The following GRIA1 variants were observed in gnomAD, a reference collection of about 807,000 sequenced individuals.
GRIA1 encodes glutamate ionotropic receptor AMPA type subunit 1, also known as glutamate receptor 1.
Under a neutral mutation model 99.2 loss-of-function variants are expected in GRIA1, and 31 were observed. That is an observed-to-expected ratio of 0.31 (90% CI 0.23 to 0.42). GRIA1 has a LOEUF of 0.42. GRIA1 is among the 10% of genes least tolerant of loss of function. The pLI is 1.00. For synonymous variants in GRIA1, 438 were observed against 432.4 expected (o/e 1.01, Z -0.16); for missense variants, 782 against 1,157.5 (o/e 0.68, Z 4.71).
intron 5 of GRIA1, among the ~76,000 whole-genome samples, chr5:153,658,592 T>C (rs779386993): frequency 6.6e-6 from 1 of 152,220 alleles, no homozygotes; most frequent in Non-Finnish European, 1.5e-5. Context: ...TGTGGTGTGT[T>C]TTCTTCCCCC....
At chr5:153,537,671 G>T (rs944939880) in intron 2 of GRIA1, among the ~76,000 whole-genome samples, 1 of 152,184 alleles carries the variant, frequency 6.6e-6, no homozygotes, top group African/African-American at 2.4e-5. Context: ...GTCAGAACCA[G>T]GGTCTCCAGT....
At chr5:153,660,696 G>A (rs534079334) in intron 5 of GRIA1, among the ~76,000 whole-genome samples, 9 of 152,196 alleles carry the variant, frequency 5.9e-5, no homozygotes, top group African/African-American at 1.9e-4. Flanking sequence ...ATTGGCAATC[G>A]CAGTGGCACT....
At chr5:153,549,759 C>T (rs1493397) in intron 2 of GRIA1, among the ~76,000 whole-genome samples, 150,009 of 152,240 alleles carry the variant, frequency 0.99, 73,938 homozygotes, top group South Asian at 1. Context: ...CCAAGAAGAT[C>T]TTTTTTCTAC....
At chr5:153,627,094 G>C (rs1767700061) in intron 2 of GRIA1, among the ~76,000 whole-genome samples, 1 of 152,110 alleles carries the variant, frequency 6.6e-6, no homozygotes, top group South Asian at 2.1e-4. Context: ...TAACTGAGAG[G>C]TACAATTTTC....
intron 2 of GRIA1, among the ~76,000 whole-genome samples, chr5:153,553,111 C>A (rs1043527992): frequency 3.3e-5 from 5 of 152,142 alleles, no homozygotes; most frequent in Non-Finnish European, 7.4e-5. Context: ...CAAGGATATT[C>A]CTGTGGAAAG....
intron 14 of GRIA1, among the ~76,000 whole-genome samples, 188 bp downstream of exon 14, chr5:153,794,923 C>T (rs569684463): frequency 5.3e-5 from 8 of 152,152 alleles, no homozygotes; most frequent in African/African-American, 1.4e-4. Context: ...TTCCAAGGGG[C>T]CTTCTGGTTT....
intron 13 of GRIA1, among the ~76,000 whole-genome samples, chr5:153,783,295 C>T (rs573497464): frequency 8.5e-5 from 13 of 152,224 alleles, no homozygotes; most frequent in Non-Finnish European, 1.6e-4. Context: ...CCATTAATTG[C>T]GGGGGGACCT....
Position 153,674,480 on chromosome 5 carries a change from C to T in GRIA1, c.700-20C>T, listed in dbSNP as rs768681940. 4.3e-6 allele frequency: 7 copies of T among 1,613,506 alleles called. No homozygotes were observed. The highest frequency in any genetic ancestry group is 1.7e-5 in the Admixed American group (1 of 59,998). ...ATCCAGGCAGCATGTTCTAACTTCT[C>T]CCTCCTCCCCCTCTCACAGGGCTTC... is the stretch of plus-strand genomic sequence containing the variant. On this transcript the variant is annotated intron_variant, in intron 5 of 15. Coordinates refer to ENST00000285900, the MANE Select transcript of GRIA1 (RefSeq NM_000827.4).
intron 2 of GRIA1, among the ~76,000 whole-genome samples, chr5:153,646,656 A>G (rs1281911957): frequency 3.9e-5 from 6 of 152,206 alleles, no homozygotes; most frequent in African/African-American, 1.4e-4. Context: ...ATAGATATCT[A>G]ATAAAATTGG....
At chr5:153,509,138 G>T (rs1755815491) in intron 2 of GRIA1, among the ~76,000 whole-genome samples, 1 of 152,172 alleles carries the variant, frequency 6.6e-6, no homozygotes, top group Non-Finnish European at 1.5e-5. Flanking sequence ...ATGACAAAAG[G>T]CATAGATGTG....
intron 10 of GRIA1, among the ~76,000 whole-genome samples, chr5:153,701,221 C>A (rs1758493372): frequency 6.6e-6 from 1 of 152,216 alleles, no homozygotes; most frequent in African/African-American, 2.4e-5. Flanking sequence ...GAGTCACTGG[C>A]ACAGCAGGGC....
intron 15 of GRIA1, among the ~76,000 whole-genome samples, chr5:153,806,747 T>C (rs1581689425): frequency 6.6e-6 from 1 of 152,242 alleles, no homozygotes; most frequent in South Asian, 2.1e-4. Flanking sequence ...GAAGGAAAGA[T>C]GATTTTTCAG....
intron 2 of GRIA1, among the ~76,000 whole-genome samples, chr5:153,499,476 G>A (rs886351855): frequency 1.2e-4 from 18 of 151,782 alleles, no homozygotes; most frequent in South Asian, 2.1e-4. Flanking sequence ...TTAGCTGGGC[G>A]TGGTGGCACG....
At chr5:153,621,696 G>A (rs1242572681) in intron 2 of GRIA1, among the ~76,000 whole-genome samples, 2 of 152,076 alleles carry the variant, frequency 1.3e-5, no homozygotes, top group Admixed American at 1.3e-4. Context: ...CTTTTTAAAA[G>A]AATCAAATGT....
chr5:153,506,701 TG>T (rs1365821905), intron 2 of GRIA1, among the ~76,000 whole-genome samples: 1 of 152,164 alleles, frequency 6.6e-6, no homozygotes, highest in Non-Finnish European at 1.5e-5. Context: ...GCAAGAATGT[TG>T]GGGGACAGGA....
rs55821843 is a variant in GRIA1, at chr5:153,705,810, G to A, written c.1566G>A (p.Gln522=). The A allele has an allele frequency of 6.2e-7, 1 of 1,612,824 alleles. No individual in the cohort carries two copies. The highest frequency in any genetic ancestry group is 8.5e-7 in the Non-Finnish European group (1 of 1,179,634). The change falls in exon 11 of 16, where the codon CAG becomes CAA. Residue 522 remains glutamine (Q), a synonymous_variant. Coordinates refer to ENST00000285900, the MANE Select transcript of GRIA1 (RefSeq NM_000827.4). ...TCTCCATCATGATTAAAAAACCACA[G>A]AAATCCAAGCCGGGTGTCTTCTCCT... ...LGISIMIKKP[Q]KSKPGVFSFL...
intron 13 of GRIA1, among the ~76,000 whole-genome samples, chr5:153,779,006 T>C (rs1764463460): frequency 6.6e-6 from 1 of 152,172 alleles, no homozygotes; most frequent in African/African-American, 2.4e-5. Flanking sequence ...ATTTTTATGC[T>C]CCTGAAAATT....
intron 2 of GRIA1, among the ~76,000 whole-genome samples, chr5:153,571,102 G>T (rs1762075274): frequency 6.6e-6 from 1 of 152,126 alleles, no homozygotes; most frequent in Non-Finnish European, 1.5e-5. Flanking sequence ...TGTTTTGGGG[G>T]GCTGTCCTGC....
At chr5:153,651,964 G>C (rs1358401858) in intron 4 of GRIA1, among the ~76,000 whole-genome samples, 2 of 152,128 alleles carry the variant, frequency 1.3e-5, no homozygotes, top group Non-Finnish European at 2.9e-5. Context: ...TACATCTCAA[G>C]TTCTTGATCT....
Sources: allele counts gnomAD v4.1 joint callset (sites outside exome capture counted in the v4.1 genomes callset), GRCh38; gene constraint gnomAD v4.1.1; transcripts MANE v1.5; gene names NCBI Gene and HGNC (gene_info 2026-07-23, HGNC 2026-07-21).